The following MSH5 variants were observed in gnomAD, a reference collection of about 807,000 sequenced individuals.
The protein encoded by MSH5 is mutS protein homolog 5.
Under a neutral mutation model 107.7 loss-of-function variants are expected in MSH5, and 78 were observed. The observed-to-expected ratio is 0.72, with a 90% confidence interval of 0.60 to 0.87. MSH5 has a LOEUF of 0.87. Among genes scored for constraint, MSH5 ranks in the 40% least tolerant of loss-of-function variants. MSH5 has a pLI of 0.00. For missense variants in MSH5, 889 were observed against 1,046.6 expected (o/e 0.85, Z 2.08); for synonymous variants, 326 against 399.5 (o/e 0.82, Z 2.19).
At chr6:31,753,695 C>A in intron 12 of MSH5, 66 bp downstream of exon 12, 3 of 1,428,666 alleles carry the variant, frequency 2.1e-6, no homozygotes, top group African/African-American at 1.4e-5. Context: ...TCCAGACTGT[C>A]TGTACCCTAG....
intron 11 of MSH5, 56 bp from the exon 12 acceptor site, chr6:31,753,511 A>G: frequency 6.2e-7 from 1 of 1,612,456 alleles, no homozygotes; most frequent in Non-Finnish European, 8.5e-7. Context: ...GGGCTTCTTG[A>G]GGGGCATTAG....
Position 31,740,479 on chromosome 6 carries a change from G to T in MSH5, c.13G>T (p.Gly5Ter). The T allele has an allele frequency of 1.3e-6, 2 of 1,567,036 alleles. No individual in the cohort carries two copies. The highest frequency in any genetic ancestry group is 1.2e-5 in the South Asian group (1 of 85,244). MASL[G>*]ANPRRTPQGP... is the part of the protein sequence containing the mutation. ...AGCCTCCAAGCTCATGGCCTCCTTAGGAGCGAACCCAAGGAGGACACCGCA... is the reference window on the plus strand; with the variant it reads ...AGCCTCCAAGCTCATGGCCTCCTTATGAGCGAACCCAAGGAGGACACCGCA... Residue 5 changes from glycine to a stop codon, truncating the protein, a stop_gained, in exon 2 of 25, where the codon GGA (glycine) becomes TGA (stop). Coordinates refer to ENST00000375750, the MANE Select transcript of MSH5 (RefSeq NM_172166.4). LOFTEE classifies it high-confidence loss of function. The surrounding 1 kb of genome is among the most constrained non-coding windows in gnomAD (Gnocchi z 4.4).
intron 9 of MSH5, chr6:31,746,367 G>A (rs973256812): frequency 2.6e-5 from 4 of 152,126 alleles, no homozygotes; most frequent in African/African-American, 7.3e-5. Context: ...AAGGTGCTGG[G>A]ATTACAGGCA....
intron 5 of MSH5, 161 bp downstream of exon 5, chr6:31,743,331 C>G (rs927963365): frequency 1.4e-6 from 1 of 719,114 alleles, no homozygotes; most frequent in Non-Finnish European, 2.4e-6. Flanking sequence ...CTCTCCTGCT[C>G]CCTACCCTTT....
In MSH5 at chr6:31,759,601, G is replaced by A. The variant is rs370439461; in HGVS notation, c.1495+89G>A. ...GGAGGGGAGTGGGCAACTTGGGGAT[G>A]CTTCCAACAGGCCCCTCCTCTTCCT... On this transcript the variant is annotated intron_variant, in intron 17 of 24. Coordinates refer to ENST00000375750, the MANE Select transcript of MSH5 (RefSeq NM_172166.4). This position sits in a 1 kb window ranked among gnomAD's most constrained non-coding sequence, Gnocchi z 4.7. 107 of 1,424,802 alleles carry A rather than the reference G, an allele frequency of 7.5e-5. No individual in the cohort carries two copies. The African/African-American group carries it at 1.3e-3, about 18-fold the overall frequency. The allele number at this position is 1,424,802 out of a possible 1,614,324, so 88.3% of individuals were successfully genotyped here. A position where few individuals can be genotyped will look rare whatever the true frequency, so the allele number is the denominator to read the frequency against.
rs745997271 is a variant in MSH5 at position 31,761,936 on chromosome 6, T to C, written c.2300T>C (p.Leu767Pro). The change falls in exon 23 of 25, where the codon CTT becomes CCT. Residue 767 changes from leucine to proline, a missense_variant. Around this residue, in one of 3 missense-constraint regions of MSH5, gnomAD observed 362 missense variants for 456.2 expected, o/e 0.79. Transcript: ENST00000375750. The surrounding 1 kb of genome is among the most constrained non-coding windows in gnomAD (Gnocchi z 5.3). ...GCCCAGGCTGGGCTTCCTGACAAGC[T>C]TGTGGCTCGTGGCAAGGAGGTGATG... ...TAAQAGLPDK[L>P]VARGKEVSDL... 10 of 1,613,602 alleles carry C rather than the reference T, an allele frequency of 6.2e-6. No homozygotes were observed. The highest frequency in any genetic ancestry group is 1.7e-6 in the Non-Finnish European group (2 of 1,180,022).
Position 31,740,580 on chromosome 6 carries a change from G to A in MSH5, c.114G>A (p.Glu38=), listed in dbSNP as rs1583890640. The change falls in exon 2 of 25, where the codon GAG becomes GAA. Residue 38 remains glutamate (E), a synonymous_variant. Coordinates refer to ENST00000375750, the MANE Select transcript of MSH5 (RefSeq NM_172166.4). The surrounding 1 kb of genome is among the most constrained non-coding windows in gnomAD (Gnocchi z 4.4). The part of the protein sequence containing the change: ...APVPGPREAE[E]EEVEEEEELA... ...TGCCGGGCCCCAGGGAGGCCGAGGAGGAGGAAGTCGAGGAGGAGGAGGAGC... is the reference window on the plus strand; with the variant it reads ...TGCCGGGCCCCAGGGAGGCCGAGGAAGAGGAAGTCGAGGAGGAGGAGGAGC... 3.3e-6 allele frequency: 5 copies of A among 1,511,876 alleles called. No individual in the cohort carries two copies. The South Asian group carries it at 5.0e-5, about 15-fold the overall frequency. The allele number at this position is 1,511,876 out of a possible 1,614,324, so 93.7% of individuals were successfully genotyped here.
rs1486478503 is a variant in MSH5, at chr6:31,740,134, G to A, written c.-14+72G>A. The A allele has an allele frequency of 5.7e-5, 14 of 245,308 alleles. No homozygotes were observed. Among genetic ancestry groups the A allele is most frequent in the Non-Finnish European group, 1.1e-4 (14 of 128,606 alleles). 15.2% of individuals were successfully genotyped at this position (245,308 alleles called of 1,614,324 possible). On this transcript the variant is annotated intron_variant, in intron 1 of 24. Transcript: ENST00000375750. This position sits in a 1 kb window ranked among gnomAD's most constrained non-coding sequence, Gnocchi z 4.4. ...GGAGGAAGATAAGCGCGTGAGGCTG[G>A]GGTCCTGGCGCGTGGTTGGCAGAGG...
chr6:31,747,430 C>G lies in MSH5; in HGVS notation c.810C>G (p.Leu270=). ...RCHCKWGEKL[L]RLWFTRPTHD... The stretch of plus-strand genomic sequence containing the variant: ...ACTGTAAGTGGGGAGAGAAGCTGCT[C>G]AGGTGAGTGGGTCCCACACATACTA... The change falls in exon 10 of 25, where the codon CTC becomes CTG. Residue 270 remains leucine (L), a splice_region_variant and synonymous_variant. Coordinates refer to ENST00000375750, the MANE Select transcript of MSH5 (RefSeq NM_172166.4). 2 of 1,612,996 alleles carry G rather than the reference C, an allele frequency of 1.2e-6. No individual in the cohort carries two copies. The highest frequency in any genetic ancestry group is 8.5e-7 in the Non-Finnish European group (1 of 1,179,974).
At position 31,740,479 on chromosome 6, in the gene MSH5, G is replaced by A. The variant is rs1365883110; in HGVS notation, c.13G>A (p.Gly5Arg). MASL[G>R]ANPRRTPQGP... ...AGCCTCCAAGCTCATGGCCTCCTTAGGAGCGAACCCAAGGAGGACACCGCA... is the reference window on the plus strand; with the variant it reads ...AGCCTCCAAGCTCATGGCCTCCTTAAGAGCGAACCCAAGGAGGACACCGCA... The change falls in exon 2 of 25, where the codon GGA (glycine) becomes AGA (arginine). Residue 5 changes from glycine (G) to arginine (R), a missense_variant. Physicochemically the swap from Gly to Arg is moderately radical, Grantham distance 125. Coordinates refer to ENST00000375750, the MANE Select transcript of MSH5 (RefSeq NM_172166.4). The surrounding 1 kb of genome is among the most constrained non-coding windows in gnomAD (Gnocchi z 4.4). 4 of 1,566,918 alleles carry A rather than the reference G, an allele frequency of 2.6e-6. No homozygotes were observed. Among genetic ancestry groups the A allele is most frequent in the Non-Finnish European group, 3.5e-6 (4 of 1,155,572 alleles).
At chr6:31,753,752 A>G (rs1810188180) in intron 12 of MSH5, 123 bp downstream of exon 12, 1 of 894,724 alleles carries the variant, frequency 1.1e-6, no homozygotes, top group Non-Finnish European at 1.7e-6. Context: ...TTTTTTGGAG[A>G]CAGCCTCGCT....
chr6:31,760,033 G>C lies in MSH5; in HGVS notation c.1686-57G>C. 4 of 1,610,070 alleles carry C rather than the reference G, an allele frequency of 2.5e-6. No homozygotes were observed. Among genetic ancestry groups the C allele is most frequent in the Non-Finnish European group, 3.4e-6 (4 of 1,177,326 alleles). ...GAGGGGCCCAAAGGCTACATCTTCT[G>C]GGGGTTCATCTATCTTGATCCACAA... On this transcript the variant is annotated intron_variant, in intron 18 of 24. Coordinates refer to ENST00000375750, the MANE Select transcript of MSH5 (RefSeq NM_172166.4). The surrounding 1 kb of genome is among the most constrained non-coding windows in gnomAD (Gnocchi z 5.6).
rs1450932282 is a variant in MSH5, at chr6:31,760,282, G to T, written c.1812+66G>T. Reference sequence around the variant, plus strand: ...GCATCTACTCCACCCCTACTTGCCAGCCAACTCAGGCTCCTGCAGCTCTTC... The same window carrying T: ...GCATCTACTCCACCCCTACTTGCCATCCAACTCAGGCTCCTGCAGCTCTTC... On this transcript the variant is annotated intron_variant, in intron 19 of 24. Coordinates refer to ENST00000375750, the MANE Select transcript of MSH5 (RefSeq NM_172166.4). This position sits in a 1 kb window ranked among gnomAD's most constrained non-coding sequence, Gnocchi z 5.6. The T allele has an allele frequency of 2.6e-6, 4 of 1,513,954 alleles. No homozygotes were observed. In the Admixed American group the frequency reaches 9.0e-5, roughly 34 times the overall value. 93.8% of individuals were successfully genotyped at this position (1,513,954 alleles called of 1,614,324 possible).
rs1456071232 is a variant in MSH5 at position 31,759,404 on chromosome 6, G to C, written c.1408-21G>C. 1.9e-6 allele frequency: 3 copies of C among 1,611,622 alleles called. No individual in the cohort carries two copies. Among genetic ancestry groups the C allele is most frequent in the Non-Finnish European group, 2.5e-6 (3 of 1,179,246 alleles). ...AGGACCAAGAGATGCAAAGTCCACA[G>C]CTTTGAACCCCTGTACCCAGTTTCT... On this transcript the variant is annotated intron_variant, in intron 16 of 24. Transcript: ENST00000375750. This position sits in a 1 kb window ranked among gnomAD's most constrained non-coding sequence, Gnocchi z 4.7.
At position 31,761,512 on chromosome 6, in the gene MSH5, G is replaced by A. The variant is rs1810993656; in HGVS notation, c.2078G>A (p.Trp693Ter). The change falls in exon 22 of 25, where the codon TGG (tryptophan) becomes TAG (stop). Residue 693 changes from tryptophan (W) to a stop codon, truncating the protein, a stop_gained. Transcript: ENST00000375750. LOFTEE classifies it high-confidence loss of function. The surrounding 1 kb of genome is among the most constrained non-coding windows in gnomAD (Gnocchi z 5.3). ...LALLAAVLRH[W>*]LARGPTCPHI... The stretch of plus-strand genomic sequence containing the variant: ...CTTCTGGCCGCTGTGCTCCGACACT[G>A]GCTGGCACGTGGACCCACATGCCCC... 13 of 1,613,590 alleles carry A rather than the reference G, an allele frequency of 8.1e-6. No individual in the cohort carries two copies. Among genetic ancestry groups the A allele is most frequent in the Non-Finnish European group, 1.1e-5 (13 of 1,180,022 alleles).
At chr6:31,747,479 T>A in intron 10 of MSH5, 47 bp downstream of exon 10, 1 of 1,587,384 alleles carries the variant, frequency 6.3e-7, no homozygotes, top group Non-Finnish European at 8.6e-7. Flanking sequence ...GAATTCCATA[T>A]GCACACTACA....
At chr6:31,742,792 G>T in intron 3 of MSH5, 85 bp from the exon 4 acceptor site, 3 of 1,267,428 alleles carry the variant, frequency 2.4e-6, no homozygotes, top group Non-Finnish European at 3.4e-6. Flanking sequence ...GAGAAGGAGA[G>T]GGGTAGGAAG....
At chr6:31,746,781 C>T (rs1027509974) in intron 9 of MSH5, among the ~76,000 whole-genome samples, 5 of 149,272 alleles carry the variant, frequency 3.3e-5, no homozygotes, top group South Asian at 2.1e-4. Flanking sequence ...TTTGGAGGGG[C>T]GGGAGGGCTC....
rs896522933 is a variant in MSH5 at position 31,758,659 on chromosome 6, A to G, written c.1216+39A>G. 2 of 1,612,210 alleles carry G rather than the reference A, an allele frequency of 1.2e-6. No homozygotes were observed. Among genetic ancestry groups the G allele is most frequent in the Non-Finnish European group, 1.7e-6 (2 of 1,178,382 alleles). Reference sequence around the variant, plus strand: ...GTGGATGGGCCTGTGAGCCCTGCGCAGTGATGGAGTACCATCCTTGGCAGG... The same window carrying G: ...GTGGATGGGCCTGTGAGCCCTGCGCGGTGATGGAGTACCATCCTTGGCAGG... On this transcript the variant is annotated intron_variant, in intron 14 of 24. Coordinates refer to ENST00000375750, the MANE Select transcript of MSH5 (RefSeq NM_172166.4). This position sits in a 1 kb window ranked among gnomAD's most constrained non-coding sequence, Gnocchi z 5.1.
Sources: allele counts gnomAD v4.1 joint callset (sites outside exome capture counted in the v4.1 genomes callset), GRCh38; gene constraint gnomAD v4.1.1; regional missense constraint gnomAD v4.1.1; non-coding constraint Gnocchi (gnomAD v3.1); transcripts MANE v1.5; gene names NCBI Gene and HGNC (gene_info 2026-07-23, HGNC 2026-07-21).